KCNH5: variants seen among roughly 807,000 people sequenced by gnomAD.
The protein encoded by KCNH5 is potassium voltage-gated channel subfamily H member 5.
Under a neutral mutation model 96.1 loss-of-function variants are expected in KCNH5, and 46 were observed. The ratio of observed to expected loss-of-function variants is 0.48; its 90% CI spans 0.38 to 0.61. The LOEUF is 0.61. Among genes scored for constraint, KCNH5 ranks in the 20% least tolerant of loss-of-function variants. The pLI is 0.00. For missense variants in KCNH5, 907 were observed against 1,225.8 expected, an observed-to-expected ratio of 0.74 and a Z score of 3.88; for synonymous variants, 439 against 449.8, an observed-to-expected ratio of 0.98 and a Z score of 0.30.
chr14:62,719,071 C>T (rs556426499), intron 10 of KCNH5, among the ~76,000 whole-genome samples: 1 of 152,190 alleles, frequency 6.6e-6, no homozygotes, highest in African/African-American at 2.4e-5. Context: ...GTGGAATGAC[C>T]ACAAATGTTT....
intron 7 of KCNH5, among the ~76,000 whole-genome samples, chr14:62,928,922 A>G (rs1285029281): frequency 1.3e-5 from 2 of 152,028 alleles, no homozygotes; most frequent in Non-Finnish European, 1.5e-5. Flanking sequence ...AACCAGTCTC[A>G]TGACTTTAAA....
At chr14:62,926,431 T>C (rs547494152) in intron 7 of KCNH5, among the ~76,000 whole-genome samples, 2 of 151,994 alleles carry the variant, frequency 1.3e-5, no homozygotes, top group East Asian at 3.9e-4. Flanking sequence ...CACACACACA[T>C]GCACACGCAT....
chr14:62,937,934 T>C (rs1889715651), intron 7 of KCNH5, among the ~76,000 whole-genome samples: 1 of 152,138 alleles, frequency 6.6e-6, no homozygotes, highest in South Asian at 2.1e-4. Flanking sequence ...AGGGACCGTT[T>C]GGACCCTTTC....
At chr14:62,887,744 G>T (rs1009472298) in intron 7 of KCNH5, among the ~76,000 whole-genome samples, 1 of 151,884 alleles carries the variant, frequency 6.6e-6, no homozygotes, top group Non-Finnish European at 1.5e-5. Flanking sequence ...TGTCTGCTTT[G>T]CTCATACCTC....
At position 62,701,274 on chromosome 14, in the gene KCNH5, T is replaced by C. The variant is rs1884344274; in HGVS notation, c.*6234A>G. On this transcript the variant is annotated 3_prime_UTR_variant, in exon 11 of 11. Coordinates refer to ENST00000322893, the MANE Select transcript of KCNH5 (RefSeq NM_139318.5). ...CTTTCAAACTGCTTCCAAAGGTTTT[T>C]GTTAAAACCTTAATGACAATGTGTC... 6.6e-6 allele frequency: 1 copy of C among 152,162 alleles called. No homozygotes were observed. Among genetic ancestry groups the C allele is most frequent in the Admixed American group, 6.6e-5 (1 of 15,264 alleles). 9.4% of individuals were successfully genotyped at this position (152,162 alleles called of 1,614,324 possible).
intron 10 of KCNH5, among the ~76,000 whole-genome samples, chr14:62,717,570 T>C (rs1418793880): frequency 6.6e-6 from 1 of 152,178 alleles, no homozygotes; most frequent in Non-Finnish European, 1.5e-5. Context: ...AAAATGATAC[T>C]GAAACAACTG....
chr14:62,968,618 T>C (rs2139553961), intron 6 of KCNH5, among the ~76,000 whole-genome samples: 1 of 152,324 alleles, frequency 6.6e-6, no homozygotes, highest in Non-Finnish European at 1.5e-5. Context: ...AGAGCACAGC[T>C]AAGATTATGT....
intron 7 of KCNH5, among the ~76,000 whole-genome samples, chr14:62,924,928 T>C (rs547500680): frequency 6.6e-6 from 1 of 151,904 alleles, no homozygotes; most frequent in East Asian, 1.9e-4. Context: ...ATACTTGAAA[T>C]TTGCTAAGAA....
chr14:62,794,405 T>C (rs1026456685), intron 9 of KCNH5, among the ~76,000 whole-genome samples: 5 of 151,832 alleles, frequency 3.3e-5, no homozygotes, highest in Non-Finnish European at 7.4e-5. Context: ...TTTTTTGTAA[T>C]TTGATGGGTA....
At chr14:62,856,490 A>C (rs1447080643) in intron 7 of KCNH5, among the ~76,000 whole-genome samples, 3 of 152,146 alleles carry the variant, frequency 2.0e-5, no homozygotes, top group African/African-American at 7.2e-5. Flanking sequence ...TTCTACTTTT[A>C]TTTCTATTCA....
intron 10 of KCNH5, among the ~76,000 whole-genome samples, chr14:62,739,879 T>G (rs1429761295): frequency 6.6e-6 from 1 of 152,196 alleles, no homozygotes; most frequent in African/African-American, 2.4e-5. Context: ...TACAGTCGCC[T>G]TTTAATGGTA....
chr14:62,866,135 A>T (rs937045972), intron 7 of KCNH5, among the ~76,000 whole-genome samples: 1 of 152,224 alleles, frequency 6.6e-6, no homozygotes, highest in Non-Finnish European at 1.5e-5. Flanking sequence ...TTGTGCCTAT[A>T]GAATGTTTCT....
intron 10 of KCNH5, among the ~76,000 whole-genome samples, chr14:62,725,347 A>G (rs1203323471): frequency 6.6e-6 from 1 of 152,208 alleles, no homozygotes; most frequent in African/African-American, 2.4e-5. Flanking sequence ...AGAACCTCAA[A>G]TTCCATATAT....
intron 7 of KCNH5, among the ~76,000 whole-genome samples, chr14:62,922,201 T>C (rs556125648): frequency 1.3e-5 from 2 of 152,066 alleles, no homozygotes; most frequent in Non-Finnish European, 2.9e-5. Flanking sequence ...ATTTTTTTAA[T>C]CCTTAGACGT....
intron 9 of KCNH5, among the ~76,000 whole-genome samples, chr14:62,801,763 C>T (rs1167166487): frequency 1.3e-5 from 2 of 152,000 alleles, no homozygotes; most frequent in African/African-American, 2.4e-5. Flanking sequence ...ACTTATACTG[C>T]GATCACTCTG....
At chr14:62,832,040 T>G (rs1424483679) in intron 8 of KCNH5, among the ~76,000 whole-genome samples, 1 of 152,204 alleles carries the variant, frequency 6.6e-6, no homozygotes, top group African/African-American at 2.4e-5. Context: ...TAGTTACATT[T>G]ATCGATATTT....
At chr14:62,860,519 A>G (rs921190244) in intron 7 of KCNH5, among the ~76,000 whole-genome samples, 1 of 152,228 alleles carries the variant, frequency 6.6e-6, no homozygotes, top group Admixed American at 6.5e-5. Flanking sequence ...TGTTCAGGGA[A>G]TACTGAACTC....
intron 8 of KCNH5, among the ~76,000 whole-genome samples, chr14:62,827,516 A>G (rs1887251247): frequency 6.6e-6 from 1 of 152,160 alleles, no homozygotes; most frequent in African/African-American, 2.4e-5. Flanking sequence ...TTTTCTGTAA[A>G]CTTTATTCAT....
intron 5 of KCNH5, among the ~76,000 whole-genome samples, chr14:62,982,624 A>G (rs1890631400): frequency 6.6e-6 from 1 of 152,238 alleles, no homozygotes; most frequent in South Asian, 2.1e-4. Context: ...AATATATGCC[A>G]CAAAACAAAA....
Sources: allele counts gnomAD v4.1 joint callset (sites outside exome capture counted in the v4.1 genomes callset), GRCh38; gene constraint gnomAD v4.1.1; transcripts MANE v1.5; gene names NCBI Gene and HGNC (gene_info 2026-07-23, HGNC 2026-07-21).